Variants in KCNIP4 observed in about 807,000 individuals in gnomAD.
KCNIP4 encodes Kv channel-interacting protein 4.
A neutral mutation model predicts 34.0 loss-of-function variants in KCNIP4; 12 were observed. The observed-to-expected ratio is 0.35, with a 90% CI of 0.23 to 0.57. The LOEUF (loss-of-function observed/expected upper bound fraction) is 0.57. Among genes scored for constraint, KCNIP4 ranks in the 20% least tolerant of loss-of-function variants. KCNIP4 has a pLI of 0.83. For missense variants in KCNIP4, 238 were observed against 311.7 expected (o/e 0.76, Z 1.78); for synonymous variants, 124 against 102.2 (o/e 1.21, Z -1.29).
chr4:21,097,641 G>A (rs1258134376), intron 1 of KCNIP4, among the ~76,000 whole-genome samples: 1 of 152,026 alleles, frequency 6.6e-6, no homozygotes, highest in Admixed American at 6.6e-5. Context: ...ACCACACTCA[G>A]ATAACATGTT....
chr4:21,187,482 A>G (rs1366067093), intron 1 of KCNIP4, among the ~76,000 whole-genome samples: 1 of 152,196 alleles, frequency 6.6e-6, no homozygotes. Context: ...TGAGATTTCT[A>G]CCTAATTCGT....
At chr4:21,076,190 G>T (rs1320575065) in intron 1 of KCNIP4, among the ~76,000 whole-genome samples, 4 of 152,088 alleles carry the variant, frequency 2.6e-5, no homozygotes, top group Non-Finnish European at 5.9e-5. Context: ...GACCTGCCTT[G>T]CTAGGTTGGG....
chr4:21,653,227 C>G lies in KCNIP4; in HGVS notation c.61+295344G>C, dbSNP rs549117214. On this transcript the variant is annotated intron_variant, in intron 1 of 8. Coordinates refer to ENST00000382152, the MANE Select transcript of KCNIP4 (RefSeq NM_025221.6). ...TTCAGACTACCACTGTTGTTAGAAA[C>G]ACAGACCTGGGGCACACTGCCTGGG... Among the ~76,000 whole-genome samples, 7 of 152,262 alleles carry G rather than the reference C, an allele frequency of 4.6e-5. No homozygotes were observed. In the South Asian group the frequency reaches 1.4e-3, roughly 32 times the overall value.
At chr4:21,808,844 A>G (rs1721456052) in intron 1 of KCNIP4, among the ~76,000 whole-genome samples, 1 of 152,206 alleles carries the variant, frequency 6.6e-6, no homozygotes, top group African/African-American at 2.4e-5. Flanking sequence ...GCACTAGAAG[A>G]GAGGAGCTAC....
At chr4:20,995,168 G>A (rs1352688835) in intron 1 of KCNIP4, among the ~76,000 whole-genome samples, 1 of 152,130 alleles carries the variant, frequency 6.6e-6, no homozygotes, top group Non-Finnish European at 1.5e-5. Flanking sequence ...AATCAAAAAT[G>A]GCTGCAAAAC....
intron 1 of KCNIP4, among the ~76,000 whole-genome samples, chr4:21,057,451 T>G (rs537072395): frequency 4.6e-5 from 7 of 152,160 alleles, no homozygotes; most frequent in African/African-American, 9.6e-5. Context: ...TAATTTTTTT[T>G]CAAATAATTT....
intron 1 of KCNIP4, among the ~76,000 whole-genome samples, chr4:21,167,354 A>G (rs1196813955): frequency 6.6e-6 from 1 of 152,250 alleles, no homozygotes; most frequent in Non-Finnish European, 1.5e-5. Flanking sequence ...TGTCAAGTAT[A>G]GCTTACTTTA....
chr4:21,636,930 G>A (rs1478516984), intron 1 of KCNIP4, among the ~76,000 whole-genome samples: 1 of 152,176 alleles, frequency 6.6e-6, no homozygotes, highest in Admixed American at 6.6e-5. Context: ...GCAGTCTTTA[G>A]GATATATCTT....
intron 1 of KCNIP4, among the ~76,000 whole-genome samples, chr4:21,079,385 T>C (rs901466325): frequency 6.6e-6 from 1 of 152,148 alleles, no homozygotes; most frequent in Non-Finnish European, 1.5e-5. Context: ...ACTATCCTAC[T>C]GTTAAACATT....
intron 1 of KCNIP4, among the ~76,000 whole-genome samples, chr4:21,614,714 A>T (rs1449376862): frequency 1.3e-5 from 2 of 151,500 alleles, no homozygotes; most frequent in Non-Finnish European, 2.9e-5. Context: ...ATATATGTAT[A>T]ATCTAAATCT....
At chr4:20,952,486 T>G (rs1281730270) in intron 1 of KCNIP4, among the ~76,000 whole-genome samples, 5 of 152,172 alleles carry the variant, frequency 3.3e-5, no homozygotes, top group Non-Finnish European at 7.3e-5. Flanking sequence ...ATCTAGTAAT[T>G]GATACCTTGA....
intron 1 of KCNIP4, among the ~76,000 whole-genome samples, chr4:21,436,930 A>C (rs1726988168): frequency 6.6e-6 from 1 of 152,234 alleles, no homozygotes; most frequent in African/African-American, 2.4e-5. Flanking sequence ...CAACTGTGCC[A>C]TCGTTTTACA....
At chr4:21,908,327 T>C (rs1398797750) in intron 1 of KCNIP4, among the ~76,000 whole-genome samples, 1 of 144,428 alleles carries the variant, frequency 6.9e-6, no homozygotes, top group African/African-American at 2.7e-5. Context: ...TGCCACTGTA[T>C]GACTAGCTAA....
intron 1 of KCNIP4, among the ~76,000 whole-genome samples, chr4:20,950,140 A>AG (rs1361882847): frequency 6.6e-6 from 1 of 151,174 alleles, no homozygotes; most frequent in African/African-American, 2.4e-5. Flanking sequence ...TTAAAAAAAA[A>AG]AAAAAGAAAA....
At chr4:20,960,719 T>C (rs1245529941) in intron 1 of KCNIP4, among the ~76,000 whole-genome samples, 1 of 152,172 alleles carries the variant, frequency 6.6e-6, no homozygotes, top group Non-Finnish European at 1.5e-5. Context: ...GTGCTGGTGT[T>C]TTAGGTGCTA....
At chr4:21,793,435 T>C (rs1720423885) in intron 1 of KCNIP4, among the ~76,000 whole-genome samples, 1 of 147,284 alleles carries the variant, frequency 6.8e-6, no homozygotes, top group South Asian at 2.1e-4. Flanking sequence ...TTTTTGTAAT[T>C]TTTGTACAGA....
chr4:21,346,197 T>TTA (rs1553865207), intron 1 of KCNIP4, among the ~76,000 whole-genome samples: 3 of 2,490 alleles, frequency 1.2e-3, no homozygotes, highest in Non-Finnish European at 4.9e-3. Flanking sequence ...ATATATAGAA[T>TTA]TATATATATA....
chr4:21,664,781 C>A (rs1035261920), intron 1 of KCNIP4, among the ~76,000 whole-genome samples: 2 of 152,064 alleles, frequency 1.3e-5, no homozygotes, highest in African/African-American at 4.8e-5. Context: ...TTTTAAATGC[C>A]TATGGACTAT....
chr4:20,796,300 T>A (rs1439892945), intron 3 of KCNIP4, among the ~76,000 whole-genome samples: 1 of 152,188 alleles, frequency 6.6e-6, no homozygotes, highest in Non-Finnish European at 1.5e-5. Context: ...ATTGCTTTTT[T>A]GTTTTTTATT....
Sources: allele counts gnomAD v4.1 joint callset (sites outside exome capture counted in the v4.1 genomes callset), GRCh38; gene constraint gnomAD v4.1.1; transcripts MANE v1.5; gene names NCBI Gene and HGNC (gene_info 2026-07-23, HGNC 2026-07-21).